The following DERA variants were observed in gnomAD, a reference collection of about 807,000 sequenced individuals.
DERA encodes the protein deoxyribose-phosphate aldolase.
DERA carries 15 observed loss-of-function variants against 41.1 expected under a neutral mutation model. That is an observed-to-expected ratio of 0.37 (90% CI 0.24 to 0.56). The LOEUF (loss-of-function observed/expected upper bound fraction) is 0.56, where lower values mean the gene tolerates loss of function less well. Among genes scored for constraint, DERA ranks in the 20% least tolerant of loss-of-function variants. The pLI is 0.81. For synonymous variants in DERA, 139 were observed against 137.4 expected (o/e 1.01, Z -0.08); for missense variants, 396 against 403.4 (o/e 0.98, Z 0.16).
At position 15,982,291 on chromosome 12, in the gene DERA, A is replaced by G. The variant is rs765316084; in HGVS notation, c.509-17A>G. ...ACTTGCCTGCTTTGTAACTGCCTCA[A>G]TTATTTTCTTCCCCAGCCCTGTATG... On this transcript the variant is annotated splice_polypyrimidine_tract_variant and intron_variant, in intron 5 of 8. Coordinates refer to ENST00000428559, the MANE Select transcript of DERA (RefSeq NM_015954.4). The surrounding 1 kb of genome is among the most constrained non-coding windows in gnomAD (Gnocchi z 4.0). The G allele has an allele frequency of 6.2e-7, 1 of 1,604,176 alleles. No individual in the cohort carries two copies. Among genetic ancestry groups the G allele is most frequent in the African/African-American group, 1.3e-5 (1 of 74,536 alleles).
Position 15,957,569 on chromosome 12 carries a change from A to G in DERA, c.129+536A>G, listed in dbSNP as rs2136146861. 6.6e-6 allele frequency among the ~76,000 whole-genome samples: 1 copy of G among 152,318 alleles called. No homozygotes were observed. Among genetic ancestry groups the G allele is most frequent in the African/African-American group, 2.4e-5 (1 of 41,562 alleles). On this transcript the variant is annotated intron_variant, in intron 2 of 8. Transcript: ENST00000428559. The surrounding 1 kb of genome is among the most constrained non-coding windows in gnomAD (Gnocchi z 4.8). ...CCAAAGACGTGCTGTGTAGGATTAA[A>G]GGGAATTCAGAGTTCATTTCACAAG...
chr12:15,920,835 G>A (rs910377279), intron 1 of DERA, among the ~76,000 whole-genome samples: 1 of 151,998 alleles, frequency 6.6e-6, no homozygotes, highest in African/African-American at 2.4e-5. Context: ...GCGAGACTCC[G>A]TCTCAAAAAT....
intron 4 of DERA, 113 bp downstream of exon 4, chr12:15,960,037 AT>A: frequency 1.4e-6 from 1 of 710,978 alleles, no homozygotes; most frequent in Non-Finnish European, 2.2e-6. Flanking sequence ...TATGTATTTA[AT>A]TAGTTGTATT....
chr12:16,036,767 A>C lies in DERA; in HGVS notation c.*21A>C, dbSNP rs762544203. The stretch of plus-strand genomic sequence containing the variant: ...CTTAAATCAGTCACCAGTTCCAGAA[A>C]AGTTCTTTACGACAATGTTTAAAAA... On this transcript the variant is annotated 3_prime_UTR_variant, in exon 9 of 9. Coordinates refer to ENST00000428559, the MANE Select transcript of DERA (RefSeq NM_015954.4). This position sits in a 1 kb window ranked among gnomAD's most constrained non-coding sequence, Gnocchi z 4.9. 3 of 1,548,078 alleles carry C rather than the reference A, an allele frequency of 1.9e-6. No individual in the cohort carries two copies. The highest frequency in any genetic ancestry group is 2.6e-6 in the Non-Finnish European group (3 of 1,141,858).
chr12:16,016,815 A>AAAAAAG (rs1555159063), intron 6 of DERA, among the ~76,000 whole-genome samples: 1 of 151,166 alleles, frequency 6.6e-6, no homozygotes, highest in African/African-American at 2.4e-5. Context: ...AAAAAAAAAA[A>AAAAAAG]AAAGAAAGAA....
chr12:15,912,534 C>T (rs970408331), intron 1 of DERA, among the ~76,000 whole-genome samples: 15 of 152,164 alleles, frequency 9.9e-5, no homozygotes, highest in African/African-American at 3.1e-4. Context: ...AAATTAATAA[C>T]TTTGCGCTTA....
In DERA at chr12:16,021,362, A is replaced by G. The variant is rs142970081; in HGVS notation, c.638-11180A>G. 2.0e-3 allele frequency among the ~76,000 whole-genome samples: 305 copies of G among 152,302 alleles called. 1 individual carries two copies. The highest frequency in any genetic ancestry group is 5.3e-4 in the African/African-American group (22 of 41,566). On this transcript the variant is annotated intron_variant, in intron 6 of 8. Transcript: ENST00000428559. The surrounding 1 kb of genome is among the most constrained non-coding windows in gnomAD (Gnocchi z 5.3). ...CAAGTTGTAAGCCTTGCTGGTTTCT[A>G]TGTGATGTTAAGCCTTGAGGTTCAT... is the stretch of plus-strand genomic sequence containing the variant.
chr12:15,949,646 C>T (rs754022961), intron 1 of DERA, among the ~76,000 whole-genome samples: 1 of 152,214 alleles, frequency 6.6e-6, no homozygotes, highest in Non-Finnish European at 1.5e-5. Flanking sequence ...CTTGTGCTTC[C>T]TGGGTGAGGT....
In DERA at chr12:15,931,063, T is replaced by A. The variant is rs532639694; in HGVS notation, c.31+19649T>A. 2.1e-3 allele frequency among the ~76,000 whole-genome samples: 325 copies of A among 152,314 alleles called. No homozygotes were observed. The highest frequency in any genetic ancestry group is 7.4e-3 in the African/African-American group (306 of 41,574). On this transcript the variant is annotated intron_variant, in intron 1 of 8. Coordinates refer to ENST00000428559, the MANE Select transcript of DERA (RefSeq NM_015954.4). The surrounding 1 kb of genome is among the most constrained non-coding windows in gnomAD (Gnocchi z 4.6). ...AATTTAAATGAAATAGTTTTCAAAT[T>A]GTTTTAAGTGTTTTCTATTATGGAG...
chr12:16,000,884 C>G lies in DERA; in HGVS notation c.637+18448C>G, dbSNP rs1948870504. On this transcript the variant is annotated intron_variant, in intron 6 of 8. Transcript: ENST00000428559. This position sits in a 1 kb window ranked among gnomAD's most constrained non-coding sequence, Gnocchi z 4.8. ...TTTACTAGGATTGTAGAGTAGATAA[C>G]TTAGACAATTAAAAAGCAGGTTTTG... 6.6e-6 allele frequency among the ~76,000 whole-genome samples: 1 copy of G among 152,034 alleles called. No individual in the cohort carries two copies. The highest frequency in any genetic ancestry group is 1.5e-5 in the Non-Finnish European group (1 of 68,014).
intron 1 of DERA, among the ~76,000 whole-genome samples, chr12:15,925,806 T>A (rs1948277691): frequency 6.9e-6 from 1 of 144,500 alleles, no homozygotes; most frequent in Admixed American, 6.8e-5. Flanking sequence ...AGTGAGGCCC[T>A]CATCAACTCC....
rs1948405680 is a variant in DERA at position 15,941,141 on chromosome 12, C to T, written c.32-15795C>T. Among the ~76,000 whole-genome samples the T allele has an allele frequency of 6.6e-6, 1 of 152,134 alleles. No homozygotes were observed. The highest frequency in any genetic ancestry group is 1.5e-5 in the Non-Finnish European group (1 of 68,034). On this transcript the variant is annotated intron_variant, in intron 1 of 8. Transcript: ENST00000428559. This position sits in a 1 kb window ranked among gnomAD's most constrained non-coding sequence, Gnocchi z 4.5. ...ATAAAAGCATTGCTTTCAGTGTGCTCTCTGCAAGGAACCTAGTGATTTCCC... is the reference window on the plus strand; with the variant it reads ...ATAAAAGCATTGCTTTCAGTGTGCTTTCTGCAAGGAACCTAGTGATTTCCC...
At chr12:15,937,118 G>C (rs1948374155) in intron 1 of DERA, among the ~76,000 whole-genome samples, 1 of 152,136 alleles carries the variant, frequency 6.6e-6, no homozygotes, top group South Asian at 2.1e-4. Flanking sequence ...GCACGACCTG[G>C]CTAATTTTTA....
At chr12:15,934,949 A>G (rs890270061) in intron 1 of DERA, among the ~76,000 whole-genome samples, 2 of 152,220 alleles carry the variant, frequency 1.3e-5, no homozygotes, top group African/African-American at 4.8e-5. Context: ...ATATTAAAAC[A>G]ATAGCGAAAA....
rs1017033240 is a variant in DERA at position 15,940,278 on chromosome 12, T to C, written c.32-16658T>C. Reference sequence around the variant, plus strand: ...GTTTGAGGCATCTATGACTCTGCTATGAAACTGATATTTTCTAGTATTTTT... The same window carrying C: ...GTTTGAGGCATCTATGACTCTGCTACGAAACTGATATTTTCTAGTATTTTT... On this transcript the variant is annotated intron_variant, in intron 1 of 8. Coordinates refer to ENST00000428559, the MANE Select transcript of DERA (RefSeq NM_015954.4). The surrounding 1 kb of genome is among the most constrained non-coding windows in gnomAD (Gnocchi z 5.1). 2.0e-5 allele frequency among the ~76,000 whole-genome samples: 3 copies of C among 152,220 alleles called. No homozygotes were observed. Among genetic ancestry groups the C allele is most frequent in the Non-Finnish European group, 4.4e-5 (3 of 68,034 alleles).
rs1948744223 is a variant in DERA at position 15,983,244 on chromosome 12, G to C, written c.637+808G>C. Among the ~76,000 whole-genome samples, 1 of 152,042 alleles carries C rather than the reference G, an allele frequency of 6.6e-6. No homozygotes were observed. The highest frequency in any genetic ancestry group is 1.5e-5 in the Non-Finnish European group (1 of 68,002). On this transcript the variant is annotated intron_variant, in intron 6 of 8. Coordinates refer to ENST00000428559, the MANE Select transcript of DERA (RefSeq NM_015954.4). The surrounding 1 kb of genome is among the most constrained non-coding windows in gnomAD (Gnocchi z 6.2). ...ACTGCTTGCTTAAAATTCCTTCAGT[G>C]GTTTCCCTTCATCTTTATGGTAAAG...
In DERA at chr12:15,962,820, T is replaced by A. The variant is rs1411542152; in HGVS notation, c.381T>A (p.Ala127=). 3 of 1,545,922 alleles carry A rather than the reference T, an allele frequency of 1.9e-6. No individual in the cohort carries two copies. The East Asian group carries it at 7.3e-5, about 38-fold the overall frequency. Residue 127 remains alanine, a synonymous_variant, in exon 5 of 9, where the codon GCT becomes GCA. Coordinates refer to ENST00000428559, the MANE Select transcript of DERA (RefSeq NM_015954.4). Reference sequence around the variant, plus strand: ...CTTTCTTAACTCTATTAGTGGCCGCTGGATTTCCAGCTGGACAGACTCATT... The same window carrying A: ...CTTTCTTAACTCTATTAGTGGCCGCAGGATTTCCAGCTGGACAGACTCATT... ...GCNIPVASVA[A]GFPAGQTHLK... is the part of the protein sequence containing the mutation.
rs1323700709 is a variant in DERA, at chr12:16,009,640, A to T, written c.638-22902A>T. ...TTTTGGTAATAAATTTAACAGCTGA[A>T]TTTTTTTCTCACTAAGGTTTTATAT... On this transcript the variant is annotated intron_variant, in intron 6 of 8. Coordinates refer to ENST00000428559, the MANE Select transcript of DERA (RefSeq NM_015954.4). The surrounding 1 kb of genome is among the most constrained non-coding windows in gnomAD (Gnocchi z 5.3). 1.3e-5 allele frequency among the ~76,000 whole-genome samples: 2 copies of T among 152,000 alleles called. No individual in the cohort carries two copies. The highest frequency in any genetic ancestry group is 1.3e-4 in the Admixed American group (2 of 15,258).
chr12:15,963,356 CT>C (rs1308062276), intron 5 of DERA, among the ~76,000 whole-genome samples: 2 of 152,090 alleles, frequency 1.3e-5, no homozygotes, highest in Non-Finnish European at 2.9e-5. Flanking sequence ...GGAAACTTCC[CT>C]TTTTTATGTT....
Sources: gnomAD v4.1 joint callset for allele counts (sites outside exome capture counted in the v4.1 genomes callset) on GRCh38, gnomAD v4.1.1 for gene constraint, Gnocchi (gnomAD v3.1) non-coding constraint, MANE v1.5 for transcripts, NCBI Gene and HGNC (gene_info 2026-07-23, HGNC 2026-07-21) for gene names.